The following CNTNAP2 variants were observed in gnomAD, a reference collection of about 807,000 sequenced individuals.
CNTNAP2 encodes the protein contactin-associated protein-like 2.
A neutral mutation model predicts 155.2 loss-of-function variants in CNTNAP2; 98 were observed. The ratio of observed to expected loss-of-function variants is 0.63; its 90% CI spans 0.54 to 0.75. The LOEUF is 0.75. CNTNAP2 is among the 30% of genes least tolerant of loss of function. The probability of loss-of-function intolerance (pLI) is 0.00; values close to 1 mark genes in which losing one functional copy is unlikely to be tolerated. For synonymous variants in CNTNAP2, 651 were observed against 631.2 expected, an observed-to-expected ratio of 1.03 and a Z score of -0.47; for missense variants, 1,727 against 1,688.1, an observed-to-expected ratio of 1.02 and a Z score of -0.40.
intron 13 of CNTNAP2, among the ~76,000 whole-genome samples, chr7:147,660,241 C>T (rs1300602455): frequency 6.6e-6 from 1 of 152,168 alleles, no homozygotes; most frequent in African/African-American, 2.4e-5. Flanking sequence ...CAATGTATTC[C>T]TTTGTACCCT....
chr7:146,907,168 G>C (rs893837792), intron 3 of CNTNAP2, among the ~76,000 whole-genome samples: 4 of 152,068 alleles, frequency 2.6e-5, no homozygotes, highest in Non-Finnish European at 5.9e-5. Context: ...CCAAATCTAC[G>C]TCTGATTGGT....
At chr7:148,203,258 T>C (rs1465005237) in intron 18 of CNTNAP2, among the ~76,000 whole-genome samples, 1 of 152,180 alleles carries the variant, frequency 6.6e-6, no homozygotes, top group Non-Finnish European at 1.5e-5. Flanking sequence ...TTCATGTTCA[T>C]TAATTCAAAC....
chr7:147,087,136 C>T (rs913426388), intron 4 of CNTNAP2, among the ~76,000 whole-genome samples: 3 of 152,110 alleles, frequency 2.0e-5, no homozygotes. Flanking sequence ...TTTTATTAAC[C>T]GTTCTCTGGG....
intron 10 of CNTNAP2, among the ~76,000 whole-genome samples, chr7:147,400,238 T>C (rs1451651154): frequency 6.6e-6 from 1 of 151,902 alleles, no homozygotes; most frequent in Non-Finnish European, 1.5e-5. Context: ...CATCTCAAAG[T>C]TGGGGAGAGG....
Position 147,947,382 on chromosome 7 carries a change from C to A in CNTNAP2, c.2256-30480C>A, listed in dbSNP as rs911550995. 2.1e-5 allele frequency among the ~76,000 whole-genome samples: 3 copies of A among 143,282 alleles called. No individual in the cohort carries two copies. In the Admixed American group the frequency reaches 2.3e-4, roughly 11 times the overall value. 94.0% of individuals were successfully genotyped at this position (143,282 alleles called of 152,430 possible). A position where few individuals can be genotyped will look rare whatever the true frequency, so the allele number is the denominator to read the frequency against. The stretch of plus-strand genomic sequence containing the variant: ...CCTGTAATCCCAGCACTTTGGGAGG[C>A]TGAGGCGGGAGGATTGCTTGAGCCC... On this transcript the variant is annotated intron_variant, in intron 14 of 23. Coordinates refer to ENST00000361727, the MANE Select transcript of CNTNAP2 (RefSeq NM_014141.6).
chr7:146,439,783 C>A (rs190650627), intron 1 of CNTNAP2, among the ~76,000 whole-genome samples: 5 of 151,400 alleles, frequency 3.3e-5, no homozygotes, highest in Non-Finnish European at 7.4e-5. Flanking sequence ...ACATTGTATG[C>A]AAAATTAGCA....
At chr7:147,292,947 T>C (rs971217404) in intron 8 of CNTNAP2, among the ~76,000 whole-genome samples, 12 of 152,138 alleles carry the variant, frequency 7.9e-5, no homozygotes, top group Non-Finnish European at 8.8e-5. Context: ...TTTGTATTTT[T>C]AGTAGAGACG....
chr7:147,528,806 G>A (rs570340566), intron 11 of CNTNAP2, among the ~76,000 whole-genome samples: 7 of 152,244 alleles, frequency 4.6e-5, no homozygotes, highest in East Asian at 1.9e-4. Context: ...ATACCAATCC[G>A]AACAAGCTAG....
At chr7:147,156,347 A>G (rs777310559) in intron 8 of CNTNAP2, among the ~76,000 whole-genome samples, 23 of 152,186 alleles carry the variant, frequency 1.5e-4, no homozygotes, top group Non-Finnish European at 2.5e-4. Flanking sequence ...CACCTACCGT[A>G]TATGTGGGAA....
At chr7:146,749,675 G>A (rs6956550) in intron 1 of CNTNAP2, among the ~76,000 whole-genome samples, 52,497 of 151,906 alleles carry the variant, frequency 0.35, 9,468 homozygotes, top group East Asian at 0.5. Context: ...CCCTGAATGA[G>A]TGAAGCTATA....
chr7:146,495,552 ATTTTTT>A (rs57676970), intron 1 of CNTNAP2, among the ~76,000 whole-genome samples: 63,420 of 133,482 alleles, frequency 0.48, 14,032 homozygotes, highest in Middle Eastern at 0.58. Flanking sequence ...CTAACAGGTC[ATTTTTT>A]TTTTTTTTTT....
At chr7:147,627,422 G>T (rs1795002184) in intron 12 of CNTNAP2, among the ~76,000 whole-genome samples, 1 of 152,090 alleles carries the variant, frequency 6.6e-6, no homozygotes, top group Admixed American at 6.6e-5. Flanking sequence ...ACAAGGTGGG[G>T]CATGGTGGCT....
intron 14 of CNTNAP2, among the ~76,000 whole-genome samples, chr7:147,924,253 C>A (rs1324259462): frequency 6.6e-6 from 1 of 150,448 alleles, no homozygotes. Flanking sequence ...ATTCTCTTCC[C>A]TCAGCCTCCC....
At chr7:147,588,555 T>C (rs1375178027) in intron 12 of CNTNAP2, among the ~76,000 whole-genome samples, 1 of 152,202 alleles carries the variant, frequency 6.6e-6, no homozygotes, top group Non-Finnish European at 1.5e-5. Flanking sequence ...AATTTTTGAC[T>C]ACCCAAGAAA....
At chr7:146,183,887 C>G (rs1798585434) in intron 1 of CNTNAP2, among the ~76,000 whole-genome samples, 1 of 152,160 alleles carries the variant, frequency 6.6e-6, no homozygotes, top group Admixed American at 6.6e-5. Context: ...AGGAATCTCT[C>G]AAGGCTCACA....
At chr7:146,191,596 C>G (rs1226789416) in intron 1 of CNTNAP2, among the ~76,000 whole-genome samples, 3 of 152,116 alleles carry the variant, frequency 2.0e-5, no homozygotes, top group Non-Finnish European at 2.9e-5. Flanking sequence ...CATCCCTTAT[C>G]TTCAACCGTA....
intron 1 of CNTNAP2, among the ~76,000 whole-genome samples, chr7:146,647,392 A>G (rs1199741132): frequency 6.6e-6 from 1 of 152,100 alleles, no homozygotes; most frequent in Non-Finnish European, 1.5e-5. Flanking sequence ...AGAAAAGTTC[A>G]GTATCTTTAT....
At chr7:148,195,711 T>G (rs1795266214) in intron 18 of CNTNAP2, among the ~76,000 whole-genome samples, 1 of 152,204 alleles carries the variant, frequency 6.6e-6, no homozygotes, top group South Asian at 2.1e-4. Context: ...GCTGTCATAT[T>G]TGTCAAATAA....
intron 1 of CNTNAP2, among the ~76,000 whole-genome samples, chr7:146,378,482 G>A (rs1238148925): frequency 6.6e-6 from 1 of 152,108 alleles, no homozygotes; most frequent in East Asian, 1.9e-4. Flanking sequence ...AGTACTTTAT[G>A]TGCATTACCT....
Sources: gnomAD v4.1 joint callset for allele counts (sites outside exome capture counted in the v4.1 genomes callset) on GRCh38, gnomAD v4.1.1 for gene constraint, MANE v1.5 for transcripts, NCBI Gene and HGNC (gene_info 2026-07-23, HGNC 2026-07-21) for gene names.